The following ARL8B variants were observed in gnomAD, a reference collection of about 807,000 sequenced individuals.
ARL8B encodes ARF like GTPase 8B, also known as ADP-ribosylation factor-like protein 8B.
Under a neutral mutation model 30.6 loss-of-function variants are expected in ARL8B, and 9 were observed. That is an observed-to-expected ratio of 0.29 (90% CI 0.18 to 0.51). The LOEUF (loss-of-function observed/expected upper bound fraction) is 0.51, where lower values mean the gene tolerates loss of function less well. Among genes scored for constraint, ARL8B ranks in the 20% least tolerant of loss-of-function variants. ARL8B has a pLI of 0.97. For missense variants in ARL8B, 130 were observed against 227.2 expected (o/e 0.57, Z 2.75); for synonymous variants, 74 against 76.0 (o/e 0.97, Z 0.14).
rs148253420 is a variant in ARL8B at position 5,132,605 on chromosome 3, A to T, written c.123+10017A>T. Among the ~76,000 whole-genome samples, 158 of 152,194 alleles carry T rather than the reference A, an allele frequency of 1.0e-3. 2 individuals are homozygous for T. The East Asian group carries it at 0.03, about 29-fold the overall frequency. On this transcript the variant is annotated intron_variant, in intron 1 of 6. Coordinates refer to ENST00000256496, the MANE Select transcript of ARL8B (RefSeq NM_018184.3). ...TGTTTCTAATAGTCTGTCCCTTTTCACAGAGCCAAGACTTTATCATATTTT... is the reference window on the plus strand; with the variant it reads ...TGTTTCTAATAGTCTGTCCCTTTTCTCAGAGCCAAGACTTTATCATATTTT...
chr3:5,172,073 CTTTT>C, intron 2 of ARL8B, 73 bp from the exon 3 acceptor site: 2 of 1,378,226 alleles, frequency 1.5e-6, no homozygotes, highest in Non-Finnish European at 2.0e-6. Flanking sequence ...CCCGATCTTT[CTTTT>C]TTTCTGTTAC....
At chr3:5,166,038 A>ATCT (rs2054620944) in intron 1 of ARL8B, among the ~76,000 whole-genome samples, 1 of 150,574 alleles carries the variant, frequency 6.6e-6, no homozygotes. Context: ...TTGTCTTAAG[A>ATCT]TATCTTTTTT....
rs1285192441 is a variant in ARL8B, at chr3:5,179,363, T to C, written c.*650T>C. The C allele has an allele frequency of 2.0e-5, 3 of 152,272 alleles. No homozygotes were observed. The highest frequency in any genetic ancestry group is 4.4e-5 in the Non-Finnish European group (3 of 68,040). 9.4% of individuals were successfully genotyped at this position (152,272 alleles called of 1,614,324 possible). ...TTCTGCCTGATGAATATTAAAGATA[T>C]CCTGCTTTCTGAGAACTCTATCACC... On this transcript the variant is annotated 3_prime_UTR_variant, in exon 7 of 7. Coordinates refer to ENST00000256496, the MANE Select transcript of ARL8B (RefSeq NM_018184.3).
chr3:5,150,463 A>AAAACAAATAAATAAAT (rs1553580547), intron 1 of ARL8B, among the ~76,000 whole-genome samples: 3 of 145,954 alleles, frequency 2.1e-5, no homozygotes, highest in African/African-American at 7.9e-5. Context: ...AATCCATGTC[A>AAAACAAATAAATAAAT]AAATAAATAA....
intron 1 of ARL8B, among the ~76,000 whole-genome samples, chr3:5,137,437 CTTTTT>C (rs368417212): frequency 1.5e-5 from 2 of 132,710 alleles, no homozygotes. Flanking sequence ...TTAATTTTCT[CTTTTT>C]TTTTTTTTTT....
chr3:5,171,035 A>G (rs2054669184), intron 2 of ARL8B: 1 of 152,386 alleles, frequency 6.6e-6, no homozygotes, highest in African/African-American at 2.4e-5. Flanking sequence ...CCTGGCCAAG[A>G]ATAGATTTTT....
intron 1 of ARL8B, among the ~76,000 whole-genome samples, chr3:5,167,959 A>C (rs998390204): frequency 6.6e-6 from 1 of 152,192 alleles, no homozygotes; most frequent in Non-Finnish European, 1.5e-5. Context: ...AGAAGTAGAA[A>C]ATACTTCCAG....
chr3:5,146,946 T>C (rs988216517), intron 1 of ARL8B, among the ~76,000 whole-genome samples: 12 of 152,058 alleles, frequency 7.9e-5, no homozygotes, highest in Non-Finnish European at 1.5e-4. Context: ...GGGTTCCTAG[T>C]GGGACCTACT....
intron 1 of ARL8B, among the ~76,000 whole-genome samples, chr3:5,130,479 C>A (rs2054272891): frequency 6.6e-6 from 1 of 151,548 alleles, no homozygotes; most frequent in African/African-American, 2.4e-5. Flanking sequence ...ATAATCCTTA[C>A]CTAATCTTGG....
In ARL8B at chr3:5,180,503, T is replaced by C. The variant is rs1254674020; in HGVS notation, c.*1790T>C. ...AATGTGTGACTCTGTGGGGACTGCATAGGTTTGTTAATTGACCTATAGCTA... is the reference window on the plus strand; with the variant it reads ...AATGTGTGACTCTGTGGGGACTGCACAGGTTTGTTAATTGACCTATAGCTA... On this transcript the variant is annotated 3_prime_UTR_variant, in exon 7 of 7. Coordinates refer to ENST00000256496, the MANE Select transcript of ARL8B (RefSeq NM_018184.3). 6.6e-6 allele frequency: 1 copy of C among 152,632 alleles called. No homozygotes were observed. The allele number at this position is 152,632 out of a possible 1,614,324, so 9.5% of individuals were successfully genotyped here. A position where few individuals can be genotyped will look rare whatever the true frequency, so the allele number is the denominator to read the frequency against.
At chr3:5,125,523 G>T (rs531438842) in intron 1 of ARL8B, among the ~76,000 whole-genome samples, 3 of 147,356 alleles carry the variant, frequency 2.0e-5, no homozygotes, top group African/African-American at 7.7e-5. Context: ...TGAACCAGTG[G>T]CTCCACCATT....
At chr3:5,125,827 C>T (rs1011566399) in intron 1 of ARL8B, among the ~76,000 whole-genome samples, 2 of 152,064 alleles carry the variant, frequency 1.3e-5, no homozygotes, top group African/African-American at 4.8e-5. Context: ...GCCACTGTGC[C>T]CAGCCCACTG....
chr3:5,128,424 T>G (rs1238015176), intron 1 of ARL8B: 1 of 453,214 alleles, frequency 2.2e-6, no homozygotes, highest in Non-Finnish European at 4.4e-6. Context: ...TTTTCTACCC[T>G]TCATCCCCGC....
intron 1 of ARL8B, among the ~76,000 whole-genome samples, chr3:5,137,488 A>G (rs2054337796): frequency 1.5e-5 from 2 of 134,992 alleles, no homozygotes; most frequent in African/African-American, 5.7e-5. Context: ...CCCAGGCTGG[A>G]GTTCAGTAGT....
In ARL8B at chr3:5,174,091, C is replaced by G. The variant is rs1181196442; in HGVS notation, c.440+7C>G. ...AACAGCTAATTGAAAAAATGTATGT[C>G]TTGAATATGCTATTTTAATAATTTG... On this transcript the variant is annotated splice_region_variant and intron_variant, in intron 5 of 6. Transcript: ENST00000256496. 1 of 1,592,826 alleles carries G rather than the reference C, an allele frequency of 6.3e-7. No homozygotes were observed. The highest frequency in any genetic ancestry group is 2.2e-5 in the East Asian group (1 of 44,730).
intron 1 of ARL8B, among the ~76,000 whole-genome samples, chr3:5,141,632 C>T (rs1300696219): frequency 1.3e-5 from 2 of 152,194 alleles, no homozygotes; most frequent in East Asian, 3.9e-4. Context: ...CCAGCATTTT[C>T]TGCCTGTTCG....
intron 1 of ARL8B, among the ~76,000 whole-genome samples, chr3:5,164,921 CTT>C (rs2054611992): frequency 6.6e-6 from 1 of 152,168 alleles, no homozygotes; most frequent in Non-Finnish European, 1.5e-5. Context: ...CATAACCCTT[CTT>C]TTAAATAGAG....
intron 1 of ARL8B, among the ~76,000 whole-genome samples, chr3:5,125,249 G>T (rs1053792347): frequency 2.6e-5 from 4 of 152,154 alleles, no homozygotes; most frequent in Non-Finnish European, 5.9e-5. Context: ...CCACAGAAGG[G>T]GATAGGTAGA....
chr3:5,128,595 G>T, intron 1 of ARL8B: 1 of 327,292 alleles, frequency 3.1e-6, no homozygotes, highest in Non-Finnish European at 6.1e-6. Flanking sequence ...GTAAGTGGAT[G>T]GTTACTGAAC....
Sources: allele counts gnomAD v4.1 joint callset (sites outside exome capture counted in the v4.1 genomes callset), GRCh38; gene constraint gnomAD v4.1.1; transcripts MANE v1.5; gene names NCBI Gene and HGNC (gene_info 2026-07-23, HGNC 2026-07-21).